The following ZEB1 variants were observed in gnomAD, a reference collection of about 807,000 sequenced individuals.
ZEB1 encodes zinc finger E-box-binding homeobox 1.
A neutral mutation model predicts 84.9 loss-of-function variants in ZEB1; 21 were observed. The observed-to-expected ratio is 0.25, with a 90% CI of 0.18 to 0.36. The LOEUF is 0.36. Among genes scored for constraint, ZEB1 ranks in the 10% least tolerant of loss-of-function variants. The probability of loss-of-function intolerance (pLI) is 1.00; values close to 1 mark genes in which losing one functional copy is unlikely to be tolerated. For missense variants in ZEB1, 1,104 were observed against 1,330.2 expected (o/e 0.83, Z 2.65); for synonymous variants, 420 against 471.1 (o/e 0.89, Z 1.41).
chr10:31,349,331 C>G (rs761407868), intron 1 of ZEB1, among the ~76,000 whole-genome samples: 1 of 152,166 alleles, frequency 6.6e-6, no homozygotes, highest in Non-Finnish European at 1.5e-5. Context: ...TTGATGGATA[C>G]TTAGGTTGAT....
At chr10:31,488,121 T>G (rs1018937154) in intron 2 of ZEB1, among the ~76,000 whole-genome samples, 1 of 151,206 alleles carries the variant, frequency 6.6e-6, no homozygotes, top group Non-Finnish European at 1.5e-5. Context: ...AGAATAATCC[T>G]GGCCTTAAAA....
intron 3 of ZEB1, among the ~76,000 whole-genome samples, chr10:31,496,348 T>C (rs567320168): frequency 1.3e-5 from 2 of 152,188 alleles, no homozygotes; most frequent in Middle Eastern, 3.4e-3. Flanking sequence ...TCTTAAATTT[T>C]CTGTGATTGA....
intron 2 of ZEB1, among the ~76,000 whole-genome samples, chr10:31,474,904 C>T (rs1411760686): frequency 2.4e-4 from 36 of 152,232 alleles, no homozygotes; most frequent in Admixed American, 2.0e-3. Context: ...AGTTCATGTC[C>T]TTTGTAGGGA....
At chr10:31,485,169 G>A (rs1031389093) in intron 2 of ZEB1, among the ~76,000 whole-genome samples, 2 of 151,868 alleles carry the variant, frequency 1.3e-5, no homozygotes, top group African/African-American at 2.4e-5. Context: ...CAGACAAGAT[G>A]ATCTTCAAAT....
intron 2 of ZEB1, among the ~76,000 whole-genome samples, chr10:31,470,149 A>G (rs1191437442): frequency 6.6e-6 from 1 of 152,246 alleles, no homozygotes; most frequent in Admixed American, 6.5e-5. Flanking sequence ...TCTAAAAAGC[A>G]GAGCGCCTCT....
intron 1 of ZEB1, among the ~76,000 whole-genome samples, chr10:31,360,319 A>G (rs901171341): frequency 2.0e-5 from 3 of 152,198 alleles, no homozygotes; most frequent in Non-Finnish European, 4.4e-5. Flanking sequence ...GTGAGACCTT[A>G]AGCAAGTTCA....
chr10:31,444,896 G>C (rs2059558352), intron 1 of ZEB1, among the ~76,000 whole-genome samples: 1 of 152,066 alleles, frequency 6.6e-6, no homozygotes, highest in Admixed American at 6.5e-5. Flanking sequence ...TGGCGATGCA[G>C]GTTCTTTTTT....
Position 31,452,742 on chromosome 10 carries a change from T to TGTGTGTGTGA in ZEB1, c.59-8294_59-8293insTGTGTGTGAG, listed in dbSNP as rs1387786622. 1.8e-3 allele frequency among the ~76,000 whole-genome samples: 160 copies of TGTGTGTGTGA among 90,796 alleles called. 1 individual carries two copies. The highest frequency in any genetic ancestry group is 4.3e-3 in the African/African-American group (84 of 19,572). The allele number at this position is 90,796 out of a possible 152,430, so 59.6% of individuals were successfully genotyped here. On this transcript the variant is annotated intron_variant, in intron 1 of 8. Transcript: ENST00000424869. The stretch of plus-strand genomic sequence containing the variant: ...GTGTGTGTGTGTGTGTGTGTGTGTG[T>TGTGTGTGTGA]GAGAGAGAGAGAGAGAGAGAGAGAG...
intron 1 of ZEB1, among the ~76,000 whole-genome samples, chr10:31,448,910 GC>G (rs1259785088): frequency 1.3e-5 from 2 of 152,250 alleles, no homozygotes; most frequent in Non-Finnish European, 2.9e-5. Flanking sequence ...ACAGAGGCAG[GC>G]AGGCCTCCTT....
intron 1 of ZEB1, among the ~76,000 whole-genome samples, chr10:31,415,573 A>AT (rs1377911573): frequency 6.6e-6 from 1 of 152,056 alleles, no homozygotes; most frequent in Non-Finnish European, 1.5e-5. Flanking sequence ...ATTATCAGAT[A>AT]TTTTTCAGTT....
chr10:31,460,539 A>G lies in ZEB1; in HGVS notation c.59-498A>G, dbSNP rs1564956297. On this transcript the variant is annotated intron_variant, in intron 1 of 8. Transcript: ENST00000424869. ...TTTAAGGATTCAAAGCCCTAATTGT[A>G]CATAAGCAATATCGTATGCTGTAGG... is the stretch of plus-strand genomic sequence containing the variant. Among the ~76,000 whole-genome samples, 4 of 152,096 alleles carry G rather than the reference A, an allele frequency of 2.6e-5. 1 individual carries two copies. Among genetic ancestry groups the G allele is most frequent in the Admixed American group, 2.6e-4 (4 of 15,244 alleles).
At chr10:31,468,970 T>C (rs999573744) in intron 2 of ZEB1, among the ~76,000 whole-genome samples, 3 of 152,178 alleles carry the variant, frequency 2.0e-5, no homozygotes, top group Non-Finnish European at 4.4e-5. Flanking sequence ...ATTTAAGATA[T>C]GGACTGTTAA....
chr10:31,415,235 A>AT (rs1245284015), intron 1 of ZEB1, among the ~76,000 whole-genome samples: 1 of 152,150 alleles, frequency 6.6e-6, no homozygotes, highest in African/African-American at 2.4e-5. Flanking sequence ...CTGTGCAAAG[A>AT]TGGTACAGTG....
chr10:31,512,895 A>G (rs1206501939), intron 5 of ZEB1, among the ~76,000 whole-genome samples: 1 of 152,150 alleles, frequency 6.6e-6, no homozygotes, highest in African/African-American at 2.4e-5. Context: ...AGTGAAACAT[A>G]AGAAAGCCTT....
At chr10:31,452,223 A>G (rs1394629569) in intron 1 of ZEB1, among the ~76,000 whole-genome samples, 2 of 152,194 alleles carry the variant, frequency 1.3e-5, no homozygotes, top group Non-Finnish European at 1.5e-5. Context: ...CTCTAAAACC[A>G]TTATGATACC....
intron 1 of ZEB1, among the ~76,000 whole-genome samples, chr10:31,328,688 G>A (rs1350884215): frequency 3.3e-5 from 5 of 152,098 alleles, no homozygotes; most frequent in Non-Finnish European, 1.5e-5. Context: ...TCAGCTTTAG[G>A]AAGGATTCCT....
chr10:31,430,378 T>G (rs2057571277), intron 1 of ZEB1, among the ~76,000 whole-genome samples: 1 of 152,148 alleles, frequency 6.6e-6, no homozygotes. Flanking sequence ...TAGTTATTAT[T>G]CTCCCATTAT....
intron 2 of ZEB1, among the ~76,000 whole-genome samples, chr10:31,468,685 A>C (rs1221895634): frequency 6.6e-6 from 1 of 152,210 alleles, no homozygotes; most frequent in Non-Finnish European, 1.5e-5. Flanking sequence ...ATTTATACAG[A>C]GCCTTGGCCC....
Position 31,396,307 on chromosome 10 carries a change from G to A in ZEB1, c.59-64730G>A, listed in dbSNP as rs1407580204. Among the ~76,000 whole-genome samples the A allele has an allele frequency of 2.6e-5, 4 of 152,280 alleles. 1 individual carries two copies. The highest frequency in any genetic ancestry group is 2.0e-4 in the Admixed American group (3 of 15,286). On this transcript the variant is annotated intron_variant, in intron 1 of 8. Transcript: ENST00000424869. Reference sequence around the variant, plus strand: ...ACCTTTTGTTACTGGCACGATGGTGGCGATACTCAGAACAAACAAAAACAG... The same window carrying A: ...ACCTTTTGTTACTGGCACGATGGTGACGATACTCAGAACAAACAAAAACAG...
Sources: gnomAD v4.1 joint callset for allele counts (sites outside exome capture counted in the v4.1 genomes callset) on GRCh38, gnomAD v4.1.1 for gene constraint, MANE v1.5 for transcripts, NCBI Gene and HGNC (gene_info 2026-07-23, HGNC 2026-07-21) for gene names.